Variants in KIF15 observed in about 807,000 individuals in gnomAD.
The protein encoded by KIF15 is kinesin-like protein KIF15.
In KIF15, 140 loss-of-function variants were observed where a neutral mutation model predicts 190.6. The ratio of observed to expected loss-of-function variants is 0.73; its 90% confidence interval spans 0.64 to 0.84. The LOEUF is 0.84. Ranked by LOEUF, KIF15 falls within the 40% of genes least tolerant of loss-of-function variation. The pLI is 0.00. For missense variants in KIF15, 1,372 were observed against 1,584.4 expected (o/e 0.87, Z 2.28); for synonymous variants, 528 against 551.3 (o/e 0.96, Z 0.59).
chr3:44,863,612 T>C (rs1699288248), intron 6 of KIF15: 1 of 152,726 alleles, frequency 6.5e-6, no homozygotes. Context: ...TGCCCCTGGC[T>C]CTTTATCTGT....
intron 11 of KIF15, 111 bp from the exon 12 acceptor site, chr3:44,801,338 TC>T: frequency 1.6e-6 from 1 of 628,668 alleles, no homozygotes; most frequent in South Asian, 2.1e-5. Context: ...GGCCACAGTC[TC>T]ATTCTTTTAG....
intron 20 of KIF15, among the ~76,000 whole-genome samples, chr3:44,823,045 ATT>A (rs1289245941): frequency 6.6e-6 from 1 of 151,998 alleles, no homozygotes; most frequent in Admixed American, 6.6e-5. Context: ...GCTTTGTTCT[ATT>A]GCTGGTGAGG....
chr3:44,818,398 T>C (rs981602314), intron 20 of KIF15, among the ~76,000 whole-genome samples: 1 of 152,234 alleles, frequency 6.6e-6, no homozygotes, highest in Non-Finnish European at 1.5e-5. Context: ...ATAGCTCTTA[T>C]TATTTTGAGA....
At chr3:44,771,612 A>G (rs980945601) in intron 1 of KIF15, among the ~76,000 whole-genome samples, 1 of 152,216 alleles carries the variant, frequency 6.6e-6, no homozygotes, top group Admixed American at 6.5e-5. Flanking sequence ...ATTTTATGAA[A>G]TAGAATTCCA....
At chr3:44,836,699 C>T (rs1223342302) in intron 26 of KIF15, among the ~76,000 whole-genome samples, 1 of 152,158 alleles carries the variant, frequency 6.6e-6, no homozygotes, top group Non-Finnish European at 1.5e-5. Context: ...GGAGTTCAGC[C>T]TAGGTCTGGT....
intron 16 of KIF15, among the ~76,000 whole-genome samples, chr3:44,809,636 G>A (rs1366648940): frequency 6.6e-6 from 1 of 151,754 alleles, no homozygotes; most frequent in Non-Finnish European, 1.5e-5. Context: ...CTTGAATCTA[G>A]GAGTTCAAGA....
intron 32 of KIF15, among the ~76,000 whole-genome samples, chr3:44,850,284 G>A (rs915196529): frequency 1.3e-5 from 2 of 152,160 alleles, no homozygotes; most frequent in Admixed American, 6.5e-5. Flanking sequence ...TTTCACCTGT[G>A]TATGAGCCAT....
intron 11 of KIF15, among the ~76,000 whole-genome samples, chr3:44,801,197 A>C: frequency 8.0e-6 from 1 of 125,040 alleles, no homozygotes; most frequent in Admixed American, 8.3e-5. Context: ...TTTAGTAGAG[A>C]TCGGGGGCGG....
intron 1 of KIF15, among the ~76,000 whole-genome samples, chr3:44,772,926 C>T (rs539577350): frequency 1.6e-4 from 24 of 152,204 alleles, no homozygotes; most frequent in South Asian, 8.3e-4. Context: ...ACCAGTTTGC[C>T]GGGCTGGTTT....
At chr3:44,854,158 G>A (rs1428156436), downstream of KIF15, among the ~76,000 whole-genome samples, 1 of 152,246 alleles carries the variant, frequency 6.6e-6, no homozygotes, top group East Asian at 1.9e-4. Flanking sequence ...GCCAAGGCAG[G>A]TGGATCACTT....
At chr3:44,791,748 C>T (rs1283464190) in intron 7 of KIF15, among the ~76,000 whole-genome samples, 3 of 152,282 alleles carry the variant, frequency 2.0e-5, no homozygotes, top group South Asian at 2.1e-4. Context: ...GACCAAGTCT[C>T]GCTGTTTTGC....
At chr3:44,847,628 G>C (rs79672468) in intron 30 of KIF15, among the ~76,000 whole-genome samples, 1 of 152,126 alleles carries the variant, frequency 6.6e-6, no homozygotes, top group African/African-American at 2.4e-5. Flanking sequence ...TTCATACCAG[G>C]CTCTTGGCTC....
chr3:44,827,779 C>T lies in KIF15; in HGVS notation c.2856+251C>T, dbSNP rs147863979. On this transcript the variant is annotated intron_variant, in intron 23 of 34. Coordinates refer to ENST00000326047, the MANE Select transcript of KIF15 (RefSeq NM_020242.3). ...CTCACTGTAGCCTTGACTTCCCAAGCTCAGGTGATTTTCCCACCTCAGCCT... is the reference window on the plus strand; with the variant it reads ...CTCACTGTAGCCTTGACTTCCCAAGTTCAGGTGATTTTCCCACCTCAGCCT... 1.1e-4 allele frequency among the ~76,000 whole-genome samples: 17 copies of T among 152,210 alleles called. No individual in the cohort carries two copies. The East Asian group carries it at 3.1e-3, about 28-fold the overall frequency.
At position 44,826,177 on chromosome 3, in the gene KIF15, A is replaced by G. The variant is rs1559569906; in HGVS notation, c.2688A>G (p.Lys896=). Reference sequence around the variant, plus strand: ...TCAAAAAAGAAAATGAAACTCTGAAATCTGATCTGAATGTATGTTAAGAAG... The same window carrying G: ...TCAAAAAAGAAAATGAAACTCTGAAGTCTGATCTGAATGTATGTTAAGAAG... The part of the protein sequence containing the change: ...QNFKKENETL[K]SDLNNLMELL... The change falls in exon 21 of 35, where the codon AAA becomes AAG. Residue 896 remains lysine, a synonymous_variant. Transcript: ENST00000326047. The G allele has an allele frequency of 3.8e-6, 6 of 1,576,972 alleles. No individual in the cohort carries two copies. The highest frequency in any genetic ancestry group is 1.4e-5 in the African/African-American group (1 of 72,068).
rs779729332 is a variant in KIF15, at chr3:44,794,258, A to G, written c.681A>G (p.Thr227=). Residue 227 remains threonine (T), a synonymous_variant, in exon 8 of 35, where the codon ACA becomes ACG. Transcript: ENST00000326047. ...GGAGGAATAGACGTGTGGCATCAAC[A>G]TCAATGAACAGAGAATCGTCTAGGT... is the stretch of plus-strand genomic sequence containing the variant. ...GGWRNRRVAS[T]SMNRESSRSH... 1.2e-6 allele frequency: 2 copies of G among 1,614,032 alleles called. No homozygotes were observed. Among genetic ancestry groups the G allele is most frequent in the Non-Finnish European group, 1.7e-6 (2 of 1,179,948 alleles).
intron 27 of KIF15, among the ~76,000 whole-genome samples, chr3:44,838,899 C>G (rs1698457753): frequency 6.6e-6 from 1 of 152,148 alleles, no homozygotes; most frequent in South Asian, 2.1e-4. Context: ...CTCCCACCCA[C>G]CTTAGGTCCT....
intron 7 of KIF15, among the ~76,000 whole-genome samples, chr3:44,793,181 T>C (rs1352630674): frequency 6.6e-6 from 1 of 152,178 alleles, no homozygotes; most frequent in African/African-American, 2.4e-5. Context: ...ATATGAAGGC[T>C]GAGGCTTGAA....
At chr3:44,851,581 T>C in intron 32 of KIF15, among the ~76,000 whole-genome samples, 1 of 152,202 alleles carries the variant, frequency 6.6e-6, no homozygotes, top group Admixed American at 6.5e-5. Flanking sequence ...TTTTCCAAAA[T>C]GAAAGTCTTG....
intron 20 of KIF15, among the ~76,000 whole-genome samples, chr3:44,818,582 A>G (rs1181804167): frequency 4.6e-5 from 7 of 152,334 alleles, no homozygotes; most frequent in East Asian, 1.9e-4. Flanking sequence ...CTTGCATGCC[A>G]TAGATACAGC....
Sources: gnomAD v4.1 joint callset for allele counts (sites outside exome capture counted in the v4.1 genomes callset) on GRCh38, gnomAD v4.1.1 for gene constraint, MANE v1.5 for transcripts, NCBI Gene and HGNC (gene_info 2026-07-23, HGNC 2026-07-21) for gene names.